The following SCN7A variants were observed in gnomAD, a reference collection of about 807,000 sequenced individuals.
SCN7A encodes the protein sodium channel protein type 7 subunit alpha.
Under a neutral mutation model 155.2 loss-of-function variants are expected in SCN7A, and 138 were observed. That is an observed-to-expected ratio of 0.89 (90% CI 0.77 to 1.02). The LOEUF (loss-of-function observed/expected upper bound fraction) is 1.02, where lower values mean the gene tolerates loss of function less well. SCN7A is among the 50% of genes least tolerant of loss of function. The pLI is 0.00. For missense variants in SCN7A, 2,058 were observed against 1,986.6 expected, an observed-to-expected ratio of 1.04 and a Z score of -0.68; for synonymous variants, 693 against 649.0, an observed-to-expected ratio of 1.07 and a Z score of -1.03.
chr2:166,486,854 A>T lies in SCN7A; in HGVS notation c.-15+2T>A, dbSNP rs1034307410. 6.6e-6 allele frequency: 1 copy of T among 152,174 alleles called. No homozygotes were observed. Among genetic ancestry groups the T allele is most frequent in the Non-Finnish European group, 1.5e-5 (1 of 68,044 alleles). The allele number at this position is 152,174 out of a possible 1,614,324, so 9.4% of individuals were successfully genotyped here. ...ATATACAGGAGTTGCTGAGGCAAAT[A>T]CCTGTTGAACAACAGCACTTCTCCA... On this transcript the variant is annotated splice_donor_variant, in intron 2 of 25. Transcript: ENST00000643258. LOFTEE classifies it low-confidence loss of function (5UTR_SPLICE).
intron 15 of SCN7A, among the ~76,000 whole-genome samples, chr2:166,439,417 A>G (rs1701909034): frequency 6.6e-6 from 1 of 152,096 alleles, no homozygotes; most frequent in Admixed American, 6.6e-5. Flanking sequence ...GACTTGATAT[A>G]ATACAAAGAT....
At chr2:166,431,737 A>G (rs1701736022) in intron 16 of SCN7A, among the ~76,000 whole-genome samples, 1 of 152,084 alleles carries the variant, frequency 6.6e-6, no homozygotes, top group Non-Finnish European at 1.5e-5. Context: ...CCAACTGTTC[A>G]AAATTCAAAC....
intron 15 of SCN7A, among the ~76,000 whole-genome samples, chr2:166,439,036 CAT>C (rs1259645221): frequency 1.9e-4 from 17 of 87,462 alleles, no homozygotes; most frequent in African/African-American, 7.0e-4. Flanking sequence ...CACACACATA[CAT>C]ATATGTGTGT....
chr2:166,443,420 G>A (rs1451754814), intron 14 of SCN7A, 83 bp downstream of exon 14: 17 of 1,125,070 alleles, frequency 1.5e-5, no homozygotes, highest in Non-Finnish European at 2.2e-5. Context: ...AATGGGATAG[G>A]TATTACTGTA....
At chr2:166,435,406 TTTA>T (rs1430692305) in intron 15 of SCN7A, among the ~76,000 whole-genome samples, 2 of 105,124 alleles carry the variant, frequency 1.9e-5, no homozygotes, top group Non-Finnish European at 3.9e-5. Context: ...AAAACATATA[TTTA>T]TTATTTTTGC....
chr2:166,412,974 A>G (rs2105368240), intron 22 of SCN7A, 94 bp downstream of exon 22: 3 of 944,204 alleles, frequency 3.2e-6, no homozygotes, highest in South Asian at 1.6e-5. Context: ...ACTGCATTTG[A>G]TTTCTATTCA....
chr2:166,431,531 T>C (rs1301275847), intron 16 of SCN7A, among the ~76,000 whole-genome samples: 1 of 152,044 alleles, frequency 6.6e-6, no homozygotes, highest in Non-Finnish European at 1.5e-5. Flanking sequence ...TAAAAAGCCC[T>C]TGTGCAGATG....
intron 25 of SCN7A, among the ~76,000 whole-genome samples, chr2:166,409,067 C>T (rs1055219936): frequency 3.9e-5 from 6 of 151,978 alleles, no homozygotes; most frequent in Admixed American, 1.3e-4. Context: ...GTTTAATTAT[C>T]TATATCCTTT....
chr2:166,484,393 A>G (rs188175833), intron 2 of SCN7A, among the ~76,000 whole-genome samples: 2 of 151,954 alleles, frequency 1.3e-5, no homozygotes, highest in Admixed American at 6.6e-5. Context: ...ATATTTATGT[A>G]CCTATGAGTG....
intron 20 of SCN7A, among the ~76,000 whole-genome samples, chr2:166,419,894 A>C (rs1701475582): frequency 6.6e-6 from 1 of 152,114 alleles, no homozygotes; most frequent in Non-Finnish European, 1.5e-5. Flanking sequence ...AATTTTATGT[A>C]TTTACTACAT....
intron 21 of SCN7A, among the ~76,000 whole-genome samples, chr2:166,415,704 A>T (rs1354790587): frequency 6.6e-6 from 1 of 152,096 alleles, no homozygotes; most frequent in Non-Finnish European, 1.5e-5. Context: ...TTGATCTCTT[A>T]ATCCTGTTAT....
intron 17 of SCN7A, 62 bp downstream of exon 17, chr2:166,429,107 A>G: frequency 1.1e-6 from 1 of 892,818 alleles, no homozygotes. Flanking sequence ...TATGGAACAT[A>G]TACATTTTGA....
chr2:166,477,478 G>T lies in SCN7A; in HGVS notation c.219C>A (p.Tyr73Ter), dbSNP rs1326600965. The change falls in exon 3 of 26, where the codon TAC becomes TAA. Residue 73 changes from tyrosine to a stop codon, truncating the protein, a stop_gained. Transcript: ENST00000643258. LOFTEE classifies it high-confidence loss of function. Reference sequence around the variant, plus strand: ...TAATACTCACATTTTTTTTCTTGTAGTAATATGGGTCCACATCTTCCAAGG... The same window carrying T: ...TAATACTCACATTTTTTTTCTTGTATTAATATGGGTCCACATCTTCCAAGG... The part of the protein sequence containing the change: ...SEPLEDVDPY[Y>*]YKKKNTFIVL... The T allele has an allele frequency of 6.0e-6, 9 of 1,510,464 alleles. No individual in the cohort carries two copies. The Admixed American group carries it at 9.4e-5, about 16-fold the overall frequency. The allele number at this position is 1,510,464 out of a possible 1,614,324, so 93.6% of individuals were successfully genotyped here.
intron 11 of SCN7A, among the ~76,000 whole-genome samples, chr2:166,450,908 C>T (rs1702163977): frequency 6.6e-6 from 1 of 152,086 alleles, no homozygotes. Flanking sequence ...GTAATTTATG[C>T]AATTCCAAAT....
At position 166,419,436 on chromosome 2, in the gene SCN7A, C is replaced by T. The variant is rs374643596; in HGVS notation, c.3135+1754G>A. On this transcript the variant is annotated intron_variant, in intron 20 of 25. Transcript: ENST00000643258. Reference sequence around the variant, plus strand: ...GCAGTGGAGCAATCTCGGCTCACTGCAGCCTCGACCTCCCAGCCTTAGGTG... The same window carrying T: ...GCAGTGGAGCAATCTCGGCTCACTGTAGCCTCGACCTCCCAGCCTTAGGTG... 8.0e-5 allele frequency among the ~76,000 whole-genome samples: 12 copies of T among 150,904 alleles called. 1 individual carries two copies. In the South Asian group the frequency reaches 2.3e-3, roughly 29 times the overall value.
intron 16 of SCN7A, 25 bp downstream of exon 16, chr2:166,432,293 C>CT: frequency 6.5e-7 from 1 of 1,548,058 alleles, no homozygotes; most frequent in South Asian, 1.2e-5. Flanking sequence ...CACCACTAAG[C>CT]AATCAGGATA....
intron 11 of SCN7A, among the ~76,000 whole-genome samples, chr2:166,449,648 C>T (rs1481100419): frequency 6.6e-6 from 1 of 152,034 alleles, no homozygotes; most frequent in Non-Finnish European, 1.5e-5. Context: ...CCTGAACAGA[C>T]ACTTCCCCAA....
At chr2:166,418,270 G>A (rs1404662342) in intron 20 of SCN7A, among the ~76,000 whole-genome samples, 1 of 131,822 alleles carries the variant, frequency 7.6e-6, no homozygotes, top group African/African-American at 2.9e-5. Flanking sequence ...ACAGGCACAC[G>A]CCACCCCGCC....
chr2:166,472,385 G>A lies in SCN7A; in HGVS notation c.504C>T (p.Val168=). ...CGAGGAAGGAAAATGATCCTGCCCAGACACCTCTTGCAAAGAGTTTTACAA... is the reference window on the plus strand; with the variant it reads ...CGAGGAAGGAAAATGATCCTGCCCAAACACCTCTTGCAAAGAGTTTTACAA... ...EILVKLFARG[V]WAGSFSFLGD... Residue 168 remains valine (V), a synonymous_variant, in exon 6 of 26, where the codon GTC becomes GTT. Coordinates refer to ENST00000643258, the MANE Select transcript of SCN7A (RefSeq NM_002976.4). 1 of 1,608,276 alleles carries A rather than the reference G, an allele frequency of 6.2e-7. No homozygotes were observed. The highest frequency in any genetic ancestry group is 8.5e-7 in the Non-Finnish European group (1 of 1,176,416).
Sources: allele counts gnomAD v4.1 joint callset (sites outside exome capture counted in the v4.1 genomes callset), GRCh38; gene constraint gnomAD v4.1.1; transcripts MANE v1.5; gene names NCBI Gene and HGNC (gene_info 2026-07-23, HGNC 2026-07-21).